Variants in OLFM3 observed in about 807,000 individuals in gnomAD.
The protein encoded by OLFM3 is noelin-3.
OLFM3 carries 20 observed loss-of-function variants against 48.6 expected under a neutral mutation model. That is an observed-to-expected ratio of 0.41 (90% CI 0.29 to 0.60). The LOEUF is 0.60. Among genes scored for constraint, OLFM3 ranks in the 20% least tolerant of loss-of-function variants. The pLI, the probability that OLFM3 is intolerant of heterozygous loss-of-function variation, is 0.28. For synonymous variants in OLFM3, 222 were observed against 198.1 expected (o/e 1.12, Z -1.01); for missense variants, 437 against 544.3 (o/e 0.80, Z 1.96).
chr1:101,812,596 A>G (rs994578588), intron 4 of OLFM3: 1 of 985,374 alleles, frequency 1.0e-6, no homozygotes, highest in African/African-American at 1.7e-5. Context: ...GACATTTCCA[A>G]ACAACCCACA....
chr1:101,873,243 T>C (rs1315419947), intron 1 of OLFM3, among the ~76,000 whole-genome samples: 3 of 151,954 alleles, frequency 2.0e-5, no homozygotes, highest in South Asian at 2.1e-4. Context: ...CTCTTCCTTC[T>C]GCATATGTAT....
At chr1:101,887,776 A>G (rs916374985) in intron 1 of OLFM3, among the ~76,000 whole-genome samples, 1 of 152,038 alleles carries the variant, frequency 6.6e-6, no homozygotes, top group Non-Finnish European at 1.5e-5. Flanking sequence ...AAACAACCTT[A>G]AAATTGTCTG....
At chr1:101,860,199 A>G (rs935054009) in intron 1 of OLFM3, among the ~76,000 whole-genome samples, 12 of 152,098 alleles carry the variant, frequency 7.9e-5, no homozygotes, top group African/African-American at 2.2e-4. Context: ...CTTGTCATCC[A>G]GAGTTAATTG....
rs184024018 is a variant in OLFM3, at chr1:101,830,718, C to T, written c.326G>A (p.Arg109Gln). 1.9e-5 allele frequency: 31 copies of T among 1,614,122 alleles called. No individual in the cohort carries two copies. Among genetic ancestry groups the T allele is most frequent in the Admixed American group, 8.3e-5 (5 of 60,014 alleles). The stretch of plus-strand genomic sequence containing the variant: ...TGTCTTTCGATCATCTTCAATCTGC[C>T]GAAATTTTGCCTTCAGCCCTTTCAT... ...TQMKGLKAKFRQIEDDRKTLM... is the reference protein window; with the variant it reads ...TQMKGLKAKFQQIEDDRKTLM... Residue 109 changes from arginine (R) to glutamine (Q), a missense_variant, in exon 3 of 6, where the codon CGG (arginine) becomes CAG (glutamine). By Grantham distance (43) the Arg-to-Gln change is conservative (BLOSUM62 1). Coordinates refer to ENST00000370103, the MANE Select transcript of OLFM3 (RefSeq NM_058170.4).
chr1:101,815,036 A>T (rs1654261970), intron 4 of OLFM3, among the ~76,000 whole-genome samples: 1 of 152,166 alleles, frequency 6.6e-6, no homozygotes, highest in African/African-American at 2.4e-5. Context: ...TGAAGACAAG[A>T]TTTGGATTTT....
chr1:101,918,376 A>T (rs778996246), intron 1 of OLFM3, among the ~76,000 whole-genome samples: 1 of 152,168 alleles, frequency 6.6e-6, no homozygotes, highest in Non-Finnish European at 1.5e-5. Context: ...GTGGGGCTGA[A>T]ATCAAGCTAT....
chr1:101,939,895 A>T (rs1230658479), intron 1 of OLFM3, among the ~76,000 whole-genome samples: 1 of 152,162 alleles, frequency 6.6e-6, no homozygotes, highest in Non-Finnish European at 1.5e-5. Flanking sequence ...CATAGCCTCT[A>T]CCCACACAGT....
intron 1 of OLFM3, among the ~76,000 whole-genome samples, chr1:101,992,827 T>C (rs552814726): frequency 1.7e-4 from 26 of 152,284 alleles, no homozygotes; most frequent in African/African-American, 6.3e-4. Context: ...ATCATGCCTA[T>C]AGGGCTTTAA....
At chr1:101,805,358 C>T (rs368081606) in intron 5 of OLFM3, among the ~76,000 whole-genome samples, 16 of 151,852 alleles carry the variant, frequency 1.1e-4, no homozygotes, top group Admixed American at 7.9e-4. Flanking sequence ...GAAATAAGTA[C>T]CATAGAATCT....
intron 1 of OLFM3, among the ~76,000 whole-genome samples, chr1:101,844,199 A>C (rs758255644): frequency 8.5e-5 from 13 of 152,344 alleles, no homozygotes; most frequent in Admixed American, 2.0e-4. Flanking sequence ...CTAAAATGCC[A>C]AGAAAGGAGG....
chr1:101,849,428 A>G (rs77664970), intron 1 of OLFM3, among the ~76,000 whole-genome samples: 16,754 of 152,236 alleles, frequency 0.11, 1,014 homozygotes, highest in Non-Finnish European at 0.13. Context: ...TGGCAATGAG[A>G]TGAAGCTGGA....
At chr1:101,932,507 A>G (rs916982172) in intron 1 of OLFM3, among the ~76,000 whole-genome samples, 15 of 152,164 alleles carry the variant, frequency 9.9e-5, no homozygotes, top group African/African-American at 2.4e-5. Context: ...GGGCTATTGA[A>G]CACTGGGACT....
rs374057440 is a variant in OLFM3, at chr1:101,948,682, G to C, written c.69+48066C>G. ...TTGTGAAAACATACCTCCATTCCCT[G>C]TTGCATCAAATTGGGTACTAAAAGA... On this transcript the variant is annotated intron_variant, in intron 1 of 5. Coordinates refer to ENST00000370103, the MANE Select transcript of OLFM3 (RefSeq NM_058170.4). Among the ~76,000 whole-genome samples the C allele has an allele frequency of 3.8e-4, 57 of 151,986 alleles. 1 individual carries two copies. The Middle Eastern group carries it at 0.017, about 45-fold the overall frequency.
chr1:101,901,013 A>C (rs183362119), intron 1 of OLFM3, among the ~76,000 whole-genome samples: 1 of 152,216 alleles, frequency 6.6e-6, no homozygotes, highest in African/African-American at 2.4e-5. Flanking sequence ...CTTTAATCAT[A>C]TTCCTAGTAA....
At chr1:101,931,253 A>C (rs1659436273) in intron 1 of OLFM3, among the ~76,000 whole-genome samples, 1 of 152,208 alleles carries the variant, frequency 6.6e-6, no homozygotes, top group African/African-American at 2.4e-5. Flanking sequence ...CATAAGGCCA[A>C]AAAATTGTTT....
chr1:101,816,805 A>G lies in OLFM3; in HGVS notation c.592+8221T>C, dbSNP rs560074618. On this transcript the variant is annotated intron_variant, in intron 4 of 5. Coordinates refer to ENST00000370103, the MANE Select transcript of OLFM3 (RefSeq NM_058170.4). Reference sequence around the variant, plus strand: ...TGGTTGTGGTCAAATAAACACCATCAGCGTTATGTTTATGATCACCATCAT... The same window carrying G: ...TGGTTGTGGTCAAATAAACACCATCGGCGTTATGTTTATGATCACCATCAT... Among the ~76,000 whole-genome samples the G allele has an allele frequency of 4.6e-5, 7 of 152,290 alleles. No individual in the cohort carries two copies. The East Asian group carries it at 1.4e-3, about 29-fold the overall frequency.
At chr1:101,812,032 G>T (rs1035817328) in intron 4 of OLFM3, among the ~76,000 whole-genome samples, 1 of 152,156 alleles carries the variant, frequency 6.6e-6, no homozygotes, top group Non-Finnish European at 1.5e-5. Context: ...CGTGTCCTTT[G>T]TAGGGACATG....
In OLFM3 at chr1:101,854,869, C is replaced by T. The variant is rs1479906518; in HGVS notation, c.70-17844G>A. Among the ~76,000 whole-genome samples, 6 of 152,034 alleles carry T rather than the reference C, an allele frequency of 3.9e-5. No homozygotes were observed. In the South Asian group the frequency reaches 1.2e-3, roughly 32 times the overall value. ...TGTAAATTGGGGATGATAAGAGATA[C>T]TCTTTGGTATTTGTGAGGATAAAAT... On this transcript the variant is annotated intron_variant, in intron 1 of 5. Coordinates refer to ENST00000370103, the MANE Select transcript of OLFM3 (RefSeq NM_058170.4).
chr1:101,924,532 T>C (rs1230090238), intron 1 of OLFM3, among the ~76,000 whole-genome samples: 1 of 152,178 alleles, frequency 6.6e-6, no homozygotes, highest in Non-Finnish European at 1.5e-5. Context: ...CCCACTTGCA[T>C]GATATAATAT....
Sources: allele counts gnomAD v4.1 joint callset (sites outside exome capture counted in the v4.1 genomes callset), GRCh38; gene constraint gnomAD v4.1.1; transcripts MANE v1.5; gene names NCBI Gene and HGNC (gene_info 2026-07-23, HGNC 2026-07-21).